Variants in WWOX observed in about 807,000 individuals in gnomAD.
WWOX encodes the protein WW domain containing oxidoreductase, also known as WW domain-containing oxidoreductase.
Under a neutral mutation model 46.2 loss-of-function variants are expected in WWOX, and 69 were observed. The ratio of observed to expected loss-of-function variants is 1.49; its 90% CI spans 1.23 to 1.82. WWOX has a LOEUF of 1.82. Among genes scored for constraint, WWOX ranks in the 40% most tolerant of loss-of-function variants. The pLI, the probability that WWOX is intolerant of heterozygous loss-of-function variation, is 0.00. For missense variants in WWOX, 919 were observed against 542.6 expected (o/e 1.69, Z -6.89); for synonymous variants, 359 against 202.6 (o/e 1.77, Z -6.56).
chr16:78,608,766 G>T (rs762299289), intron 8 of WWOX, among the ~76,000 whole-genome samples: 1 of 152,210 alleles, frequency 6.6e-6, no homozygotes, highest in Non-Finnish European at 1.5e-5. Context: ...AACTAAAGCC[G>T]GGGTCGCCTG....
chr16:78,102,037 C>T (rs530562941), intron 1 of WWOX, among the ~76,000 whole-genome samples: 1 of 152,166 alleles, frequency 6.6e-6, no homozygotes, highest in Admixed American at 6.5e-5. Context: ...CCTCCCGCAT[C>T]AGCCTGTTGA....
chr16:79,070,430 A>G (rs1186180293), intron 8 of WWOX, among the ~76,000 whole-genome samples: 1 of 152,196 alleles, frequency 6.6e-6, no homozygotes, highest in African/African-American at 2.4e-5. Flanking sequence ...GTATCAGTCC[A>G]GATGCCCTTT....
intron 8 of WWOX, among the ~76,000 whole-genome samples, chr16:79,201,308 C>A (rs781319995): frequency 6.6e-6 from 1 of 151,760 alleles, no homozygotes; most frequent in Non-Finnish European, 1.5e-5. Context: ...CCTCTCCCTT[C>A]CCTAGCTGAA....
chr16:79,021,117 G>A lies in WWOX; in HGVS notation c.1057-190491G>A, dbSNP rs76200294. Reference sequence around the variant, plus strand: ...TTAATGCTAGTCCAGTGCTTGGCCAGTACAAGGCCATTATATATTTGTTGA... The same window carrying A: ...TTAATGCTAGTCCAGTGCTTGGCCAATACAAGGCCATTATATATTTGTTGA... On this transcript the variant is annotated intron_variant, in intron 8 of 8. Transcript: ENST00000566780. Among the ~76,000 whole-genome samples, 1,377 of 152,284 alleles carry A rather than the reference G, an allele frequency of 9.0e-3. 15 individuals are homozygous for A. Among genetic ancestry groups the A allele is most frequent in the African/African-American group, 0.031 (1,302 of 41,560 alleles).
At chr16:79,173,052 A>G (rs942206951) in intron 8 of WWOX, among the ~76,000 whole-genome samples, 8 of 152,270 alleles carry the variant, frequency 5.3e-5, no homozygotes, top group Middle Eastern at 3.4e-3. Flanking sequence ...CTGTGAATCC[A>G]TTTCATTGCA....
At chr16:78,297,443 G>A (rs1008147018) in intron 5 of WWOX, among the ~76,000 whole-genome samples, 1 of 152,124 alleles carries the variant, frequency 6.6e-6, no homozygotes, top group African/African-American at 2.4e-5. Context: ...TCTGCCATTT[G>A]TAGAACCATA....
intron 8 of WWOX, among the ~76,000 whole-genome samples, chr16:78,542,649 G>C (rs2043926523): frequency 6.6e-6 from 1 of 152,182 alleles, no homozygotes; most frequent in African/African-American, 2.4e-5. Context: ...CAGCAGAGTT[G>C]TGCTCAACTG....
chr16:78,319,758 G>T (rs1374147739), intron 5 of WWOX, among the ~76,000 whole-genome samples: 1 of 152,060 alleles, frequency 6.6e-6, no homozygotes, highest in Non-Finnish European at 1.5e-5. Context: ...CATCTGCACC[G>T]AGGTCTCTCT....
At chr16:78,606,922 C>T (rs1430614925) in intron 8 of WWOX, among the ~76,000 whole-genome samples, 4 of 151,956 alleles carry the variant, frequency 2.6e-5, no homozygotes, top group Admixed American at 1.3e-4. Flanking sequence ...ATGTCCACAG[C>T]GGTTCACATC....
chr16:78,518,284 T>A (rs1167808017), intron 8 of WWOX, among the ~76,000 whole-genome samples: 1 of 152,176 alleles, frequency 6.6e-6, no homozygotes, highest in African/African-American at 2.4e-5. Flanking sequence ...CAGGCTGAAG[T>A]GCAGTGGCGT....
Position 78,951,195 on chromosome 16 carries a change from T to C in WWOX, c.1057-260413T>C, listed in dbSNP as rs146275171. Reference sequence around the variant, plus strand: ...TCTGGCGTGGCTGGATCTAAGTGATTAAATGGCGCGGTCATAATTCTATTT... The same window carrying C: ...TCTGGCGTGGCTGGATCTAAGTGATCAAATGGCGCGGTCATAATTCTATTT... On this transcript the variant is annotated intron_variant, in intron 8 of 8. Transcript: ENST00000566780. Among the ~76,000 whole-genome samples the C allele has an allele frequency of 2.0e-5, 3 of 152,312 alleles. 1 individual carries two copies. The highest frequency in any genetic ancestry group is 7.2e-5 in the African/African-American group (3 of 41,568).
intron 8 of WWOX, among the ~76,000 whole-genome samples, chr16:78,937,706 C>T (rs930329409): frequency 5.3e-5 from 8 of 151,812 alleles, no homozygotes; most frequent in Non-Finnish European, 1.0e-4. Context: ...CTTACTGCAA[C>T]CTCCGCCTCC....
At chr16:79,091,693 G>A (rs546447274) in intron 8 of WWOX, among the ~76,000 whole-genome samples, 2 of 151,792 alleles carry the variant, frequency 1.3e-5, no homozygotes, top group South Asian at 2.1e-4. Context: ...AAAGCAGCTC[G>A]CCTAAGGACT....
At chr16:78,790,142 A>G (rs1049288039) in intron 8 of WWOX, among the ~76,000 whole-genome samples, 7 of 151,970 alleles carry the variant, frequency 4.6e-5, no homozygotes, top group Non-Finnish European at 2.9e-5. Flanking sequence ...TTTTAAATTT[A>G]TTTTATTTTT....
chr16:78,721,449 G>T (rs553674777), intron 8 of WWOX, among the ~76,000 whole-genome samples: 1 of 152,286 alleles, frequency 6.6e-6, no homozygotes, highest in East Asian at 1.9e-4. Flanking sequence ...TCAGCTGTCA[G>T]ACAAAGTGTT....
At chr16:78,895,902 C>T (rs1305457836) in intron 8 of WWOX, 1 of 152,162 alleles carries the variant, frequency 6.6e-6, no homozygotes, top group Non-Finnish European at 1.5e-5. Flanking sequence ...TTTCGTATTA[C>T]TCCTGTCTTC....
chr16:78,334,412 A>T (rs2080829884), intron 5 of WWOX, among the ~76,000 whole-genome samples: 1 of 152,214 alleles, frequency 6.6e-6, no homozygotes, highest in Non-Finnish European at 1.5e-5. Flanking sequence ...AACAACAAAT[A>T]GTTCAGACTT....
intron 8 of WWOX, among the ~76,000 whole-genome samples, chr16:78,444,043 A>G (rs1338640127): frequency 6.6e-6 from 1 of 152,180 alleles, no homozygotes; most frequent in Admixed American, 6.5e-5. Context: ...GGTGTAAGGT[A>G]ATGTTTTCCT....
chr16:78,368,398 A>G (rs2081590100), intron 5 of WWOX, among the ~76,000 whole-genome samples: 1 of 152,196 alleles, frequency 6.6e-6, no homozygotes, highest in African/African-American at 2.4e-5. Flanking sequence ...TATCCCAGAA[A>G]GGAGTGTGGA....
Sources: gnomAD v4.1 joint callset for allele counts (sites outside exome capture counted in the v4.1 genomes callset) on GRCh38, gnomAD v4.1.1 for gene constraint, MANE v1.5 for transcripts, NCBI Gene and HGNC (gene_info 2026-07-23, HGNC 2026-07-21) for gene names.